The following FAM13C variants were observed in gnomAD, a reference collection of about 807,000 sequenced individuals.
FAM13C encodes the protein family with sequence similarity 13 member C.
A neutral mutation model predicts 73.2 loss-of-function variants in FAM13C; 37 were observed. That is an observed-to-expected ratio of 0.51 (90% CI 0.39 to 0.67). The LOEUF (loss-of-function observed/expected upper bound fraction) is 0.67. Among genes scored for constraint, FAM13C ranks in the 30% least tolerant of loss-of-function variants. The pLI is 0.00. For missense variants in FAM13C, 589 were observed against 715.6 expected, an observed-to-expected ratio of 0.82 and a Z score of 2.02; for synonymous variants, 246 against 260.9, an observed-to-expected ratio of 0.94 and a Z score of 0.55.
intron 4 of FAM13C, among the ~76,000 whole-genome samples, chr10:59,320,983 A>C (rs1850163018): frequency 6.6e-6 from 1 of 152,160 alleles, no homozygotes; most frequent in Admixed American, 6.6e-5. Flanking sequence ...AGGGTTTCTA[A>C]ATATTTTCTG....
intron 1 of FAM13C, among the ~76,000 whole-genome samples, chr10:59,358,474 G>A (rs1211389277): frequency 6.6e-6 from 1 of 152,142 alleles, no homozygotes; most frequent in African/African-American, 2.4e-5. Context: ...AAATCCCCAA[G>A]TACCGCTTTG....
chr10:59,340,949 G>C (rs554669253), intron 3 of FAM13C, among the ~76,000 whole-genome samples: 90 of 151,912 alleles, frequency 5.9e-4, no homozygotes, highest in Non-Finnish European at 1.1e-3. Context: ...ACGCTCTCTG[G>C]GTTCCTAAAT....
rs894174960 is a variant in FAM13C at position 59,345,269 on chromosome 10, T to C, written c.324+7001A>G. Reference sequence around the variant, plus strand: ...ATTCTTCTGTAACTTCCATCACAGATGGAATATCAGTTATGCAATGCGGCC... The same window carrying C: ...ATTCTTCTGTAACTTCCATCACAGACGGAATATCAGTTATGCAATGCGGCC... On this transcript the variant is annotated intron_variant, in intron 3 of 13. Transcript: ENST00000618804. 2.0e-5 allele frequency among the ~76,000 whole-genome samples: 3 copies of C among 152,298 alleles called. No homozygotes were observed. The East Asian group carries it at 5.8e-4, about 29-fold the overall frequency.
At chr10:59,262,406 C>T in intron 10 of FAM13C, 28 bp downstream of exon 10, 6 of 1,600,398 alleles carry the variant, frequency 3.7e-6, no homozygotes, top group Non-Finnish European at 5.1e-6. Context: ...TACAGGGGCC[C>T]TCTATATAAC....
chr10:59,308,487 TACCATTGCCACCACCACTGCCACC>T (rs1848513033), intron 4 of FAM13C, among the ~76,000 whole-genome samples: 1 of 142,088 alleles, frequency 7.0e-6, no homozygotes, highest in South Asian at 2.3e-4. Context: ...CCACTGCCAC[TACCATTGCCACCACCACTGCCACC>T]ACCCACCAGC....
intron 10 of FAM13C, among the ~76,000 whole-genome samples, chr10:59,259,643 T>A (rs1842289708): frequency 6.6e-6 from 1 of 152,218 alleles, no homozygotes; most frequent in Non-Finnish European, 1.5e-5. Context: ...AGGGCCTAAC[T>A]TTAGCCTACT....
At chr10:59,332,325 A>C (rs973173495) in intron 3 of FAM13C, among the ~76,000 whole-genome samples, 1 of 152,054 alleles carries the variant, frequency 6.6e-6, no homozygotes, top group African/African-American at 2.4e-5. Flanking sequence ...TAATTGCTTG[A>C]ATTGTTTAAT....
rs114236655 is a variant in FAM13C, at chr10:59,302,840, C to A, written c.468G>T (p.Ser156=). 1.9e-6 allele frequency: 3 copies of A among 1,613,976 alleles called. No individual in the cohort carries two copies. Among genetic ancestry groups the A allele is most frequent in the Non-Finnish European group, 2.5e-6 (3 of 1,179,976 alleles). ...QPRIDQRTAI[S]PKDAFETRQD... is the part of the protein sequence containing the mutation. ...GCCGAGTTTCAAAAGCATCCTTTGG[C>A]GAAATGGCAGTCCTCTGGTCTATTC... Residue 156 remains serine, a synonymous_variant, in exon 5 of 14, where the codon TCG becomes TCT. Transcript: ENST00000618804.
chr10:59,333,376 T>C (rs1201313538), intron 3 of FAM13C, among the ~76,000 whole-genome samples: 1 of 152,058 alleles, frequency 6.6e-6, no homozygotes, highest in Non-Finnish European at 1.5e-5. Flanking sequence ...TAGTCCCAGC[T>C]ACTCAGGAGG....
intron 3 of FAM13C, among the ~76,000 whole-genome samples, chr10:59,326,474 C>T (rs939569095): frequency 4.6e-5 from 7 of 152,226 alleles, no homozygotes; most frequent in African/African-American, 1.4e-4. Flanking sequence ...TCATGACAGG[C>T]TGCCCTTCCC....
intron 12 of FAM13C, 84 bp from the exon 13 acceptor site, chr10:59,251,760 AAAG>A (rs1482762017): frequency 1.9e-6 from 2 of 1,040,880 alleles, no homozygotes; most frequent in African/African-American, 3.3e-5. Flanking sequence ...TTCAGCCAAA[AAAG>A]CATCTATGAT....
At chr10:59,309,568 C>T (rs1369603741) in intron 4 of FAM13C, among the ~76,000 whole-genome samples, 1 of 152,166 alleles carries the variant, frequency 6.6e-6, no homozygotes, top group African/African-American at 2.4e-5. Flanking sequence ...GCCTGTAATG[C>T]TGTTCCCTCT....
intron 8 of FAM13C, among the ~76,000 whole-genome samples, chr10:59,265,555 T>C (rs1197442404): frequency 2.0e-5 from 3 of 152,208 alleles, no homozygotes; most frequent in Non-Finnish European, 4.4e-5. Context: ...GAACACACCT[T>C]GTTGAACAAT....
chr10:59,259,754 C>T (rs1411412399), intron 10 of FAM13C, among the ~76,000 whole-genome samples: 2 of 152,248 alleles, frequency 1.3e-5, no homozygotes, highest in East Asian at 3.9e-4. Flanking sequence ...GGCATTTATA[C>T]AGGGTGACTT....
chr10:59,253,991 A>G (rs1564477067), intron 11 of FAM13C: 1 of 263,048 alleles, frequency 3.8e-6, no homozygotes, highest in Non-Finnish European at 7.1e-6. Context: ...AAAGGAAAAA[A>G]TTAACCAACA....
chr10:59,280,341 A>T (rs1395729405), intron 6 of FAM13C, among the ~76,000 whole-genome samples: 1 of 151,968 alleles, frequency 6.6e-6, no homozygotes, highest in East Asian at 1.9e-4. Context: ...CTATTCCTCA[A>T]ATCTGCCTAT....
chr10:59,335,085 T>C (rs1003010136), intron 3 of FAM13C, among the ~76,000 whole-genome samples: 2 of 152,170 alleles, frequency 1.3e-5, no homozygotes, highest in South Asian at 4.1e-4. Flanking sequence ...TGGCCAACTT[T>C]CATTTTATCA....
At chr10:59,339,810 C>A (rs1244224885) in intron 3 of FAM13C, among the ~76,000 whole-genome samples, 1 of 152,082 alleles carries the variant, frequency 6.6e-6, no homozygotes, top group Non-Finnish European at 1.5e-5. Context: ...AGGTTGTTTT[C>A]AAAATATAAC....
chr10:59,249,068 T>A (rs1352909547), intron 13 of FAM13C, among the ~76,000 whole-genome samples: 1 of 152,146 alleles, frequency 6.6e-6, no homozygotes, highest in Non-Finnish European at 1.5e-5. Context: ...AATAATCAAT[T>A]ATGTAATTTT....
Sources: allele counts gnomAD v4.1 joint callset (sites outside exome capture counted in the v4.1 genomes callset), GRCh38; gene constraint gnomAD v4.1.1; transcripts MANE v1.5; gene names NCBI Gene and HGNC (gene_info 2026-07-23, HGNC 2026-07-21).